The following ARHGEF3 variants were observed in gnomAD, a reference collection of about 807,000 sequenced individuals.
ARHGEF3 encodes the protein 59.8 kDA protein.
ARHGEF3 carries 28 observed loss-of-function variants against 63.2 expected under a neutral mutation model. That is an observed-to-expected ratio of 0.44 (90% CI 0.33 to 0.61). ARHGEF3 has a LOEUF of 0.61. Among genes scored for constraint, ARHGEF3 ranks in the 20% least tolerant of loss-of-function variants. The pLI is 0.03. For synonymous variants in ARHGEF3, 266 were observed against 254.2 expected, an observed-to-expected ratio of 1.05 and a Z score of -0.44; for missense variants, 533 against 659.3, an observed-to-expected ratio of 0.81 and a Z score of 2.10.
At position 56,992,375 on chromosome 3, in the gene ARHGEF3, T is replaced by TA. The variant is rs57740672; in HGVS notation, c.63-33487dup. ...GGTCCTATGGTAGGGAGGATGGCTT[T>TA]AAAAAAAAAAAAAAAAAAAAAAAAA... On this transcript the variant is annotated intron_variant, in intron 2 of 12. Coordinates refer to the ARHGEF3 transcript ENST00000338458. 1.1e-3 allele frequency among the ~76,000 whole-genome samples: 49 copies of TA among 46,138 alleles called. 7 individuals carry two copies. Among genetic ancestry groups the TA allele is most frequent in the Non-Finnish European group, 1.5e-3 (25 of 16,586 alleles). The allele number at this position is 46,138 out of a possible 152,430, so 30.3% of individuals were successfully genotyped here.
intron 2 of ARHGEF3, among the ~76,000 whole-genome samples, chr3:57,020,099 T>A (rs1272569865): frequency 1.3e-5 from 2 of 152,198 alleles, no homozygotes; most frequent in Non-Finnish European, 2.9e-5. Context: ...AGTTTCACCA[T>A]GTTAGTCAGG....
intron 1 of ARHGEF3, among the ~76,000 whole-genome samples, chr3:57,070,650 C>A (rs1705833899): frequency 6.6e-6 from 1 of 151,952 alleles, no homozygotes; most frequent in African/African-American, 2.4e-5. Context: ...TCCAGAACAG[C>A]CAAAATAATC....
chr3:56,779,119 A>AT (rs2036422581), intron 1 of ARHGEF3, among the ~76,000 whole-genome samples: 2 of 152,216 alleles, frequency 1.3e-5, no homozygotes, highest in African/African-American at 2.4e-5. Flanking sequence ...TTCTCCCTGC[A>AT]GCTGGACATG....
At chr3:56,936,199 A>C (rs1698893270) in intron 3 of ARHGEF3, among the ~76,000 whole-genome samples, 2 of 152,196 alleles carry the variant, frequency 1.3e-5, no homozygotes, top group South Asian at 4.1e-4. Flanking sequence ...GAGTTGGTCC[A>C]GAGCTGGCAT....
chr3:56,760,964 G>C (rs550583989), intron 2 of ARHGEF3, among the ~76,000 whole-genome samples: 1 of 152,242 alleles, frequency 6.6e-6, no homozygotes, highest in Admixed American at 6.5e-5. Flanking sequence ...GAATCCCAAG[G>C]GAGGAATAAA....
intron 2 of ARHGEF3, among the ~76,000 whole-genome samples, chr3:56,994,669 T>C (rs1701903497): frequency 1.3e-5 from 2 of 152,124 alleles, no homozygotes; most frequent in African/African-American, 4.8e-5. Context: ...TCTTTTCATA[T>C]TTTTCTCATT....
chr3:56,778,971 T>C (rs1301418334), intron 1 of ARHGEF3, among the ~76,000 whole-genome samples: 1 of 152,184 alleles, frequency 6.6e-6, no homozygotes, highest in African/African-American at 2.4e-5. Context: ...TGACCAGTCA[T>C]GTCCTGGTCA....
chr3:56,965,941 C>T (rs1001176097), intron 2 of ARHGEF3, among the ~76,000 whole-genome samples: 1 of 151,858 alleles, frequency 6.6e-6, no homozygotes, highest in African/African-American at 2.4e-5. Flanking sequence ...AGCCACTGCG[C>T]CTGGCCACTA....
At chr3:56,775,748 C>T (rs1383564290) in intron 1 of ARHGEF3, 25 of 906,668 alleles carry the variant, frequency 2.8e-5, no homozygotes, top group Non-Finnish European at 3.0e-5. Context: ...CATTTTTTTA[C>T]GTCAGAGCTG....
At chr3:56,944,327 A>G (rs73086379) in intron 3 of ARHGEF3, among the ~76,000 whole-genome samples, 17,577 of 152,226 alleles carry the variant, frequency 0.12, 1,276 homozygotes, top group East Asian at 0.25. Context: ...TTCACAATTC[A>G]TGGACAGAGG....
At chr3:56,731,446 G>A (rs774267351) in intron 9 of ARHGEF3, 1 of 151,924 alleles carries the variant, frequency 6.6e-6, no homozygotes, top group Non-Finnish European at 1.5e-5. Context: ...CACGAGAATT[G>A]CTTGAACCCA....
At chr3:56,923,068 A>ATATATG (rs2042189695) in intron 3 of ARHGEF3, among the ~76,000 whole-genome samples, 1 of 37,794 alleles carries the variant, frequency 2.6e-5, no homozygotes, top group Non-Finnish European at 5.9e-5. Flanking sequence ...ATATATATAT[A>ATATATG]TATATATAAA....
Position 57,007,410 on chromosome 3 carries a change from GT to G in ARHGEF3, c.62+27677del, listed in dbSNP as rs531814560. 11,166 of 1,252,516 alleles carry G rather than the reference GT, an allele frequency of 8.9e-3. 49 individuals carry two copies. The highest frequency in any genetic ancestry group is 0.011 in the Non-Finnish European group (10,370 of 963,512). 77.6% of individuals were successfully genotyped at this position (1,252,516 alleles called of 1,614,324 possible). ...CTGAGGCTGAGCTGGAATTGATTTT[GT>G]TTATTCCAAAATCAGGCTTGGAAAG... On this transcript the variant is annotated intron_variant, in intron 2 of 12. Coordinates refer to the ARHGEF3 transcript ENST00000338458.
At chr3:57,010,711 A>C (rs1702662657) in intron 2 of ARHGEF3, among the ~76,000 whole-genome samples, 1 of 151,552 alleles carries the variant, frequency 6.6e-6, no homozygotes, top group Non-Finnish European at 1.5e-5. Flanking sequence ...CAGAGCCCTG[A>C]CTCCCAAGGA....
rs559956826 is a variant in ARHGEF3 at position 56,936,063 on chromosome 3, C to A, written c.129+22760G>T. Among the ~76,000 whole-genome samples the A allele has an allele frequency of 2.1e-3, 320 of 152,252 alleles. 1 individual carries two copies. Among genetic ancestry groups the A allele is most frequent in the African/African-American group, 7.5e-3 (310 of 41,534 alleles). On this transcript the variant is annotated intron_variant, in intron 3 of 12. Coordinates refer to the ARHGEF3 transcript ENST00000338458. ...TAAGAGCTAGCCAGCTGACTGCCCA[C>A]CACTTGTGAAGCCCAGTGCAAGAAA...
rs372062941 is a variant in ARHGEF3, at chr3:56,944,418, G to A, written c.129+14405C>T. Among the ~76,000 whole-genome samples the A allele has an allele frequency of 1.6e-3, 246 of 152,218 alleles. 2 individuals are homozygous for A. The highest frequency in any genetic ancestry group is 6.8e-3 in the Middle Eastern group (2 of 294). On this transcript the variant is annotated intron_variant, in intron 3 of 12. Transcript: ENST00000338458. ...TGACATTGAGGGGTTTAAGACTTCCGTGTTGGAAGTCACTGCAGATGTGGT... is the reference window on the plus strand; with the variant it reads ...TGACATTGAGGGGTTTAAGACTTCCATGTTGGAAGTCACTGCAGATGTGGT...
intron 3 of ARHGEF3, among the ~76,000 whole-genome samples, chr3:56,883,122 T>C (rs930305419): frequency 1.3e-5 from 2 of 152,204 alleles, no homozygotes; most frequent in South Asian, 2.1e-4. Context: ...AGGGTCCTAA[T>C]GTAATCACAG....
chr3:56,747,944 C>T lies in ARHGEF3; in HGVS notation c.613-2482G>A, dbSNP rs1255188713. 3.9e-5 allele frequency among the ~76,000 whole-genome samples: 6 copies of T among 152,244 alleles called. No homozygotes were observed. The East Asian group carries it at 1.2e-3, about 29-fold the overall frequency. ...AAAATGTATATACTAATGTCCCCCTCTCCCTTAATGAGGTAAAGCATACAA... is the reference window on the plus strand; with the variant it reads ...AAAATGTATATACTAATGTCCCCCTTTCCCTTAATGAGGTAAAGCATACAA... On this transcript the variant is annotated intron_variant, in intron 6 of 9. Transcript: ENST00000296315.
intron 8 of ARHGEF3, among the ~76,000 whole-genome samples, chr3:56,733,859 C>T (rs551329859): frequency 6.6e-6 from 1 of 151,956 alleles, no homozygotes; most frequent in African/African-American, 2.4e-5. Context: ...TGGCAGGCGC[C>T]TATAATCCCA....
Sources: gnomAD v4.1 joint callset for allele counts (sites outside exome capture counted in the v4.1 genomes callset) on GRCh38, gnomAD v4.1.1 for gene constraint, MANE v1.5 for transcripts, NCBI Gene and HGNC (gene_info 2026-07-23, HGNC 2026-07-21) for gene names.